Variants in RBBP8 observed in about 807,000 individuals in gnomAD.
The protein encoded by RBBP8 is RB binding protein 8, endonuclease, also known as DNA endonuclease RBBP8.
A neutral mutation model predicts 108.3 loss-of-function variants in RBBP8; 88 were observed. The ratio of observed to expected loss-of-function variants is 0.81; its 90% CI spans 0.68 to 0.97. RBBP8 has a LOEUF of 0.97. Ranked by LOEUF, RBBP8 falls within the 50% of genes least tolerant of loss-of-function variation. RBBP8 has a pLI of 0.00. For missense variants in RBBP8, 1,023 were observed against 1,049.0 expected, an observed-to-expected ratio of 0.98 and a Z score of 0.34; for synonymous variants, 332 against 348.2, an observed-to-expected ratio of 0.95 and a Z score of 0.52.
intron 4 of RBBP8, among the ~76,000 whole-genome samples, chr18:22,952,449 A>G (rs1288541305): frequency 2.0e-5 from 3 of 152,230 alleles, no homozygotes; most frequent in Non-Finnish European, 2.9e-5. Context: ...AAGAAAAGCC[A>G]GGAACATAGG....
Position 22,992,875 on chromosome 18 carries a change from C to G in RBBP8, c.1048C>G (p.Leu350Val), listed in dbSNP as rs947894101. ...TTTGAATACAAGTTTGTCCCCTTCT[C>G]TTTTACAGCCTGGGAAAAAAAAACA... ...LDLNTSLSPS[L>V]LQPGKKKHLK... is the part of the protein sequence containing the mutation. The change falls in exon 11 of 19, where the codon CTT (leucine) becomes GTT (valine). Residue 350 changes from leucine (L) to valine (V), a missense_variant. Transcript: ENST00000327155. The G allele has an allele frequency of 2.5e-6, 4 of 1,613,940 alleles. No homozygotes were observed. The highest frequency in any genetic ancestry group is 3.4e-6 in the Non-Finnish European group (4 of 1,179,936).
At chr18:22,916,091 T>C (rs1909344938) in intron 2 of RBBP8, among the ~76,000 whole-genome samples, 1 of 152,112 alleles carries the variant, frequency 6.6e-6, no homozygotes, top group Non-Finnish European at 1.5e-5. Flanking sequence ...TAGGAGTGTG[T>C]ATGTATTTTA....
intron 12 of RBBP8, among the ~76,000 whole-genome samples, chr18:22,994,937 G>A (rs1447277508): frequency 2.0e-5 from 3 of 151,936 alleles, no homozygotes; most frequent in Non-Finnish European, 4.4e-5. Context: ...TGTTGCCCAG[G>A]TTGGTCTCGA....
intron 2 of RBBP8, among the ~76,000 whole-genome samples, chr18:22,938,266 G>C (rs971035196): frequency 6.6e-6 from 1 of 152,112 alleles, no homozygotes; most frequent in East Asian, 1.9e-4. Context: ...CAAGTAGTTG[G>C]GACTACAGGC....
At chr18:23,005,845 G>T (rs1478752634) in intron 15 of RBBP8, among the ~76,000 whole-genome samples, 1 of 152,110 alleles carries the variant, frequency 6.6e-6, no homozygotes, top group African/African-American at 2.4e-5. Context: ...ATTTTGAGTT[G>T]AATGAAACAG....
intron 11 of RBBP8, 27 bp downstream of exon 11, chr18:22,993,666 G>A (rs2144706678): frequency 6.2e-7 from 1 of 1,614,148 alleles, no homozygotes; most frequent in Non-Finnish European, 8.5e-7. Context: ...CAAGGATTTT[G>A]ATTAAAATGA....
chr18:23,026,441 G>A lies in RBBP8; in HGVS notation c.*201G>A, dbSNP rs533813816. On this transcript the variant is annotated 3_prime_UTR_variant, in exon 19 of 19. Coordinates refer to ENST00000327155, the MANE Select transcript of RBBP8 (RefSeq NM_002894.3). Reference sequence around the variant, plus strand: ...TTTCATTTTGCACTCTAACTTAAGAGTTTTTACTTTATGTAGTGATACCTA... The same window carrying A: ...TTTCATTTTGCACTCTAACTTAAGAATTTTTACTTTATGTAGTGATACCTA... 70 of 532,386 alleles carry A rather than the reference G, an allele frequency of 1.3e-4. No individual in the cohort carries two copies. Among genetic ancestry groups the A allele is most frequent in the Non-Finnish European group, 2.1e-4 (61 of 292,326 alleles). The allele number at this position is 532,386 out of a possible 1,614,324, so 33.0% of individuals were successfully genotyped here. A position where few individuals can be genotyped will look rare whatever the true frequency, so the allele number is the denominator to read the frequency against.
At chr18:23,008,410 A>G (rs1024589393) in intron 16 of RBBP8, among the ~76,000 whole-genome samples, 1 of 152,046 alleles carries the variant, frequency 6.6e-6, no homozygotes, top group Non-Finnish European at 1.5e-5. Flanking sequence ...CTTCTTTTTT[A>G]GTTACCAGTT....
chr18:22,988,661 A>G (rs577779127), intron 8 of RBBP8, among the ~76,000 whole-genome samples: 4 of 152,288 alleles, frequency 2.6e-5, no homozygotes, highest in Admixed American at 2.0e-4. Flanking sequence ...CCTTTCAACT[A>G]TATAAGCTCC....
intron 3 of RBBP8, among the ~76,000 whole-genome samples, chr18:22,921,583 CTTTTCCTTTAG>C (rs1278001946): frequency 6.6e-6 from 1 of 152,130 alleles, no homozygotes; most frequent in Non-Finnish European, 1.5e-5. Flanking sequence ...GGTCAAACTG[CTTTTCCTTTAG>C]TTTTATAATT....
intron 16 of RBBP8, among the ~76,000 whole-genome samples, chr18:23,010,133 G>T (rs2046130592): frequency 6.6e-6 from 1 of 152,038 alleles, no homozygotes; most frequent in Non-Finnish European, 1.5e-5. Flanking sequence ...TTTCTTTTTA[G>T]CTCCATAGTA....
At chr18:22,937,132 A>G (rs1288389805) in intron 2 of RBBP8, 172 bp downstream of exon 2, 2 of 1,353,654 alleles carry the variant, frequency 1.5e-6, no homozygotes, top group African/African-American at 1.5e-5. Flanking sequence ...TTTGGTGTGC[A>G]AATGATTTCA....
chr18:23,024,324 A>G (rs2046421054), intron 18 of RBBP8, among the ~76,000 whole-genome samples: 2 of 152,210 alleles, frequency 1.3e-5, no homozygotes, highest in African/African-American at 4.8e-5. Context: ...ACATTCTTTT[A>G]ATAAGACAAC....
chr18:23,009,390 A>G (rs1006802247), intron 16 of RBBP8, among the ~76,000 whole-genome samples: 1 of 150,740 alleles, frequency 6.6e-6, no homozygotes, highest in African/African-American at 2.4e-5. Flanking sequence ...TTTTTTTTTT[A>G]AAGTCATTTG....
At chr18:23,012,504 A>G (rs2046185585) in intron 16 of RBBP8, among the ~76,000 whole-genome samples, 1 of 152,178 alleles carries the variant, frequency 6.6e-6, no homozygotes, top group African/African-American at 2.4e-5. Flanking sequence ...AGTGGTCTAG[A>G]TTGAAGATCA....
rs570144460 is a variant in RBBP8, at chr18:22,925,867, T to A, written c.-153-3516T>A. Reference sequence around the variant, plus strand: ...ACTTTAATAGACAAAATGGTAAAGATTTGTTTTTCGAGATTCTGAAAATAA... The same window carrying A: ...ACTTTAATAGACAAAATGGTAAAGAATTGTTTTTCGAGATTCTGAAAATAA... On this transcript the variant is annotated intron_variant, in intron 3 of 4. Transcript: ENST00000577588. Among the ~76,000 whole-genome samples the A allele has an allele frequency of 1.7e-4, 26 of 152,320 alleles. No individual in the cohort carries two copies. The South Asian group carries it at 5.4e-3, about 32-fold the overall frequency.
chr18:22,956,798 T>C (rs1378552262), intron 4 of RBBP8, among the ~76,000 whole-genome samples: 1 of 152,198 alleles, frequency 6.6e-6, no homozygotes, highest in African/African-American at 2.4e-5. Flanking sequence ...TTTATGTGGC[T>C]CATTTATGTT....
intron 16 of RBBP8, among the ~76,000 whole-genome samples, chr18:23,010,477 A>G (rs1047337246): frequency 5.9e-5 from 9 of 152,180 alleles, no homozygotes; most frequent in Middle Eastern, 3.4e-3. Flanking sequence ...GTGTGTGCCT[A>G]TAGTCCCAAC....
At chr18:22,934,647 T>TA (rs1910367441) in intron 1 of RBBP8, 1 of 152,066 alleles carries the variant, frequency 6.6e-6, no homozygotes, top group South Asian at 2.1e-4. Flanking sequence ...ACTTTAGGTA[T>TA]ATCTCCTAAT....
Sources: allele counts gnomAD v4.1 joint callset (sites outside exome capture counted in the v4.1 genomes callset), GRCh38; gene constraint gnomAD v4.1.1; transcripts MANE v1.5; gene names NCBI Gene and HGNC (gene_info 2026-07-23, HGNC 2026-07-21).